EPHA4: variants seen among roughly 807,000 people sequenced by gnomAD.
EPHA4 encodes the protein EPH receptor A4.
In EPHA4, 19 loss-of-function variants were observed where a neutral mutation model predicts 108.3. The ratio of observed to expected loss-of-function variants is 0.18; its 90% confidence interval spans 0.12 to 0.26. EPHA4 has a LOEUF of 0.26. Ranked by LOEUF, EPHA4 falls within the 10% of genes least tolerant of loss-of-function variation. EPHA4 has a pLI of 1.00. For synonymous variants in EPHA4, 449 were observed against 455.5 expected, an observed-to-expected ratio of 0.99 and a Z score of 0.18; for missense variants, 917 against 1,254.0, an observed-to-expected ratio of 0.73 and a Z score of 4.06.
intron 5 of EPHA4, among the ~76,000 whole-genome samples, chr2:221,465,671 A>G (rs939166247): frequency 6.6e-6 from 1 of 152,268 alleles, no homozygotes; most frequent in Admixed American, 6.5e-5. Context: ...GCCCATAAAT[A>G]GCTCCCTGTG....
chr2:221,499,756 A>ATTTTTT (rs575017779), intron 4 of EPHA4, among the ~76,000 whole-genome samples: 21 of 26,220 alleles, frequency 8.0e-4, no homozygotes, highest in Non-Finnish European at 1.1e-3. Flanking sequence ...ATATATATAT[A>ATTTTTT]TTTTTTTTTT....
chr2:221,462,555 A>G (rs1691181432), intron 5 of EPHA4, among the ~76,000 whole-genome samples: 1 of 152,200 alleles, frequency 6.6e-6, no homozygotes, highest in Non-Finnish European at 1.5e-5. Context: ...TTTACTGTAG[A>G]TATCAAACAT....
intron 2 of EPHA4, among the ~76,000 whole-genome samples, chr2:221,567,765 C>T (rs1472268542): frequency 6.6e-6 from 1 of 152,168 alleles, no homozygotes; most frequent in East Asian, 1.9e-4. Flanking sequence ...CGGTGTGGAG[C>T]CCACGCCAGG....
chr2:221,509,819 C>A (rs759390292), intron 3 of EPHA4, among the ~76,000 whole-genome samples: 1 of 152,178 alleles, frequency 6.6e-6, no homozygotes, highest in Admixed American at 6.5e-5. Context: ...GTCTGGTGGT[C>A]TCTTTTTGCC....
chr2:221,449,689 C>G (rs943186658), intron 8 of EPHA4, among the ~76,000 whole-genome samples: 1 of 152,050 alleles, frequency 6.6e-6, no homozygotes, highest in Non-Finnish European at 1.5e-5. Context: ...CTTGACTATT[C>G]AATATAACAA....
intron 3 of EPHA4, among the ~76,000 whole-genome samples, chr2:221,545,460 C>T (rs1424044453): frequency 2.0e-5 from 3 of 152,018 alleles, no homozygotes; most frequent in African/African-American, 4.8e-5. Flanking sequence ...CAGAGCAAGA[C>T]TCCATCTTAA....
intron 14 of EPHA4, 75 bp from the exon 15 acceptor site, chr2:221,430,226 T>A (rs1214032363): frequency 2.6e-5 from 38 of 1,450,074 alleles, no homozygotes; most frequent in Non-Finnish European, 3.4e-5. Flanking sequence ...CCGACTGGCA[T>A]GTTTCTTGTG....
chr2:221,540,999 T>G (rs1693824786), intron 3 of EPHA4, among the ~76,000 whole-genome samples: 1 of 143,406 alleles, frequency 7.0e-6, no homozygotes, highest in Non-Finnish European at 1.5e-5. Context: ...CAGGCTGGAG[T>G]GCAGTGACAC....
intron 3 of EPHA4, among the ~76,000 whole-genome samples, chr2:221,522,774 T>A (rs1208478218): frequency 7.4e-6 from 1 of 135,868 alleles, no homozygotes; most frequent in Non-Finnish European, 1.6e-5. Flanking sequence ...ATTATTATTA[T>A]TTTTTTGAGA....
At chr2:221,565,490 C>A (rs1002287212) in intron 2 of EPHA4, among the ~76,000 whole-genome samples, 3 of 152,034 alleles carry the variant, frequency 2.0e-5, no homozygotes, top group Admixed American at 6.5e-5. Flanking sequence ...TTAGAAGGAA[C>A]AAGAGATAGT....
At chr2:221,539,702 G>C (rs1693776640) in intron 3 of EPHA4, among the ~76,000 whole-genome samples, 1 of 152,110 alleles carries the variant, frequency 6.6e-6, no homozygotes, top group Admixed American at 6.5e-5. Flanking sequence ...GAGTAGTAGT[G>C]GTAGAAATAA....
At chr2:221,528,000 C>A (rs1693390073) in intron 3 of EPHA4, among the ~76,000 whole-genome samples, 1 of 151,902 alleles carries the variant, frequency 6.6e-6, no homozygotes, top group Non-Finnish European at 1.5e-5. Context: ...TTTCCCAGGC[C>A]CCACCCCTAC....
At chr2:221,470,072 A>G (rs1691432252) in intron 5 of EPHA4, among the ~76,000 whole-genome samples, 1 of 152,156 alleles carries the variant, frequency 6.6e-6, no homozygotes, top group Non-Finnish European at 1.5e-5. Flanking sequence ...AGAACAGAGG[A>G]AAAAATGACA....
intron 5 of EPHA4, among the ~76,000 whole-genome samples, chr2:221,475,224 A>T (rs989770070): frequency 1.3e-5 from 2 of 152,230 alleles, no homozygotes; most frequent in Non-Finnish European, 2.9e-5. Flanking sequence ...GGACCTAGGC[A>T]ATAGTGTGAA....
chr2:221,543,902 T>C (rs2106192867), intron 3 of EPHA4, among the ~76,000 whole-genome samples: 1 of 152,312 alleles, frequency 6.6e-6, no homozygotes, highest in South Asian at 2.1e-4. Context: ...GGGTAACTTA[T>C]AAATAACAGA....
chr2:221,569,966 G>T (rs1694777311), intron 1 of EPHA4, among the ~76,000 whole-genome samples: 1 of 151,914 alleles, frequency 6.6e-6, no homozygotes, highest in South Asian at 2.1e-4. Context: ...GGTCGCTCCC[G>T]CCTGGAGTTC....
chr2:221,454,308 G>T (rs1690874574), intron 8 of EPHA4, among the ~76,000 whole-genome samples: 1 of 151,806 alleles, frequency 6.6e-6, no homozygotes. Flanking sequence ...GGCTTGCCCA[G>T]GCCAGTGGAA....
At chr2:221,547,955 A>G (rs879935056) in intron 3 of EPHA4, among the ~76,000 whole-genome samples, 1 of 152,228 alleles carries the variant, frequency 6.6e-6, no homozygotes, top group Admixed American at 6.5e-5. Context: ...TGAAACGTTA[A>G]TAATTTCTTC....
chr2:221,444,975 C>T (rs1441857399), intron 9 of EPHA4, among the ~76,000 whole-genome samples: 1 of 151,948 alleles, frequency 6.6e-6, no homozygotes, highest in Non-Finnish European at 1.5e-5. Flanking sequence ...CTAGGCTGGT[C>T]TCGAACTCCA....
Sources: gnomAD v4.1 joint callset for allele counts (sites outside exome capture counted in the v4.1 genomes callset) on GRCh38, gnomAD v4.1.1 for gene constraint, MANE v1.5 for transcripts, NCBI Gene and HGNC (gene_info 2026-07-23, HGNC 2026-07-21) for gene names.